Variants in ARFGEF3 observed in about 807,000 individuals in gnomAD.
ARFGEF3 encodes the protein brefeldin A-inhibited guanine nucleotide-exchange protein 3.
In ARFGEF3, 96 loss-of-function variants were observed where a neutral mutation model predicts 221.7. The observed-to-expected ratio is 0.43, with a 90% CI of 0.37 to 0.51. The LOEUF is 0.51. Ranked by LOEUF, ARFGEF3 falls within the 20% of genes least tolerant of loss-of-function variation. ARFGEF3 has a pLI of 0.00. For synonymous variants in ARFGEF3, 1,145 were observed against 1,126.8 expected, an observed-to-expected ratio of 1.02 and a Z score of -0.32; for missense variants, 2,410 against 2,789.9, an observed-to-expected ratio of 0.86 and a Z score of 3.07.
In ARFGEF3 at chr6:138,334,634, C is replaced by T. The variant is rs759078532; in HGVS notation, c.5788C>T (p.Pro1930Ser). 6.2e-7 allele frequency: 1 copy of T among 1,613,558 alleles called. No individual in the cohort carries two copies. Among genetic ancestry groups the T allele is most frequent in the Admixed American group, 1.7e-5 (1 of 60,022 alleles). The change falls in exon 33 of 34, where the codon CCC becomes TCC. Residue 1930 changes from proline to serine, a missense_variant. Pro to Ser is a moderately conservative substitution (Grantham distance 74). This residue lies in a region of ARFGEF3 where 339 missense variants were observed against 334.9 expected (regional missense o/e 1.01). Coordinates refer to ENST00000251691, the MANE Select transcript of ARFGEF3 (RefSeq NM_020340.5). The surrounding 1 kb of genome is among the most constrained non-coding windows in gnomAD (Gnocchi z 5.1). ...CCTGGAGAACTGTATGGAGGAGCCT[C>T]CCATCTTCAAGGGCGACCCGTTCTT... ...LDLENCMEEPPIFKGDPFFIL... is the reference protein window; with the variant it reads ...LDLENCMEEPSIFKGDPFFIL...
At chr6:138,253,164 A>G (rs1778609638) in intron 8 of ARFGEF3, among the ~76,000 whole-genome samples, 1 of 152,240 alleles carries the variant, frequency 6.6e-6, no homozygotes, top group Non-Finnish European at 1.5e-5. Context: ...GCCATAAACT[A>G]TGGACTTTAG....
chr6:138,312,071 G>T (rs1779839949), intron 25 of ARFGEF3, among the ~76,000 whole-genome samples: 1 of 152,122 alleles, frequency 6.6e-6, no homozygotes, highest in Non-Finnish European at 1.5e-5. Flanking sequence ...CAGGAGAATT[G>T]CTTCAACCCA....
intron 10 of ARFGEF3, among the ~76,000 whole-genome samples, chr6:138,256,005 T>G (rs1438497154): frequency 6.6e-6 from 1 of 152,180 alleles, no homozygotes; most frequent in Non-Finnish European, 1.5e-5. Flanking sequence ...ATCGAGCTAG[T>G]GCTTGTTAAG....
At chr6:138,232,131 G>C (rs1482284720) in intron 5 of ARFGEF3, among the ~76,000 whole-genome samples, 1 of 152,218 alleles carries the variant, frequency 6.6e-6, no homozygotes, top group Non-Finnish European at 1.5e-5. Context: ...CAGGGTAGCA[G>C]ATATGTTGAG....
intron 5 of ARFGEF3, among the ~76,000 whole-genome samples, chr6:138,230,686 T>C (rs564481910): frequency 6.6e-6 from 1 of 152,296 alleles, no homozygotes; most frequent in East Asian, 1.9e-4. Flanking sequence ...AAAATTATTT[T>C]TGAGCGTGTA....
intron 7 of ARFGEF3, among the ~76,000 whole-genome samples, chr6:138,243,242 A>G (rs1237281192): frequency 6.6e-6 from 1 of 152,176 alleles, no homozygotes; most frequent in Non-Finnish European, 1.5e-5. Context: ...TTAACGCTTC[A>G]CATACCTCTC....
Position 138,294,073 on chromosome 6 carries a change from C to T in ARFGEF3, c.3449C>T (p.Ser1150Phe), listed in dbSNP as rs1023865522. 5 of 1,613,806 alleles carry T rather than the reference C, an allele frequency of 3.1e-6. No homozygotes were observed. Among genetic ancestry groups the T allele is most frequent in the Non-Finnish European group, 3.4e-6 (4 of 1,179,830 alleles). The change falls in exon 20 of 34, where the codon TCT becomes TTT. Residue 1150 changes from serine to phenylalanine, a missense_variant. By Grantham distance (155) the Ser-to-Phe change is radical. Coordinates refer to ENST00000251691, the MANE Select transcript of ARFGEF3 (RefSeq NM_020340.5). Reference sequence around the variant, plus strand: ...TACCAGCTGAAGAAAGCATCGCAGTCTCAGCTTTTCCATTCTGTTACAGAT... The same window carrying T: ...TACCAGCTGAAGAAAGCATCGCAGTTTCAGCTTTTCCATTCTGTTACAGAT... ...FLYQLKKASQ[S>F]QLFHSVTDTV...
chr6:138,308,380 C>T (rs1245896893), intron 23 of ARFGEF3, among the ~76,000 whole-genome samples: 1 of 152,186 alleles, frequency 6.6e-6, no homozygotes. Flanking sequence ...TAAAGAAACT[C>T]ATATATGCCA....
rs755946453 is a variant in ARFGEF3 at position 138,334,848 on chromosome 6, G to A, written c.6002G>A (p.Arg2001Gln). 55 of 1,595,962 alleles carry A rather than the reference G, an allele frequency of 3.4e-5. No individual in the cohort carries two copies. Among genetic ancestry groups the A allele is most frequent in the African/African-American group, 4.0e-5 (3 of 74,466 alleles). Residue 2001 changes from arginine (R) to glutamine (Q), a missense_variant, in exon 33 of 34, where the codon CGG becomes CAG. Physicochemically the swap from Arg to Gln is conservative, Grantham distance 43 (BLOSUM62 1). This residue lies in a region of ARFGEF3 where 339 missense variants were observed against 334.9 expected (regional missense o/e 1.01). Transcript: ENST00000251691. The surrounding 1 kb of genome is among the most constrained non-coding windows in gnomAD (Gnocchi z 5.1). ...AAAGTGGAGAAGAAGGATCCCAGCC[G>A]GAAGAAGGAGTGGTGGGAGAATGCG... ...SPKVEKKDPS[R>Q]KKEWWENAGN... is the part of the protein sequence containing the mutation.
intron 7 of ARFGEF3, among the ~76,000 whole-genome samples, chr6:138,243,503 AG>A (rs1399345743): frequency 4.6e-5 from 7 of 152,224 alleles, no homozygotes; most frequent in African/African-American, 1.7e-4. Flanking sequence ...CCACAGGAAA[AG>A]AAAAAATATA....
At chr6:138,298,820 C>T (rs559661843) in intron 22 of ARFGEF3, 35 bp downstream of exon 22, 13 of 1,558,820 alleles carry the variant, frequency 8.3e-6, no homozygotes, top group African/African-American at 1.3e-5. Context: ...TCATAGCTGG[C>T]TCTTACTGAG....
At chr6:138,224,265 G>A (rs747925459) in intron 4 of ARFGEF3, among the ~76,000 whole-genome samples, 4 of 152,204 alleles carry the variant, frequency 2.6e-5, no homozygotes, top group Non-Finnish European at 5.9e-5. Flanking sequence ...TATCAGAAAT[G>A]TCTCATGGGA....
At chr6:138,289,654 G>T (rs951195602) in intron 17 of ARFGEF3, among the ~76,000 whole-genome samples, 164 bp from the exon 18 acceptor site, 1 of 152,230 alleles carries the variant, frequency 6.6e-6, no homozygotes, top group African/African-American at 2.4e-5. Flanking sequence ...CCTGCTGGCT[G>T]GGTGGTTTGC....
In ARFGEF3 at chr6:138,339,486, T is replaced by C. The variant is rs1011611803; in HGVS notation, c.*3000T>C. 2 of 152,248 alleles carry C rather than the reference T, an allele frequency of 1.3e-5. No individual in the cohort carries two copies. The highest frequency in any genetic ancestry group is 4.8e-5 in the African/African-American group (2 of 41,470). 9.4% of individuals were successfully genotyped at this position (152,248 alleles called of 1,614,324 possible). ...TACAGACCTAAGCAGAATGAGAGTT[T>C]ATACATTGTTTTTAGTTGCCTGTAT... is the stretch of plus-strand genomic sequence containing the variant. On this transcript the variant is annotated 3_prime_UTR_variant, in exon 34 of 34. Transcript: ENST00000251691.
chr6:138,238,717 CT>C, intron 6 of ARFGEF3, 86 bp downstream of exon 6: 1 of 1,334,076 alleles, frequency 7.5e-7, no homozygotes, highest in African/African-American at 1.4e-5. Context: ...CCAGGGCTGC[CT>C]GCCTCCTGAA....
At chr6:138,327,271 G>C (rs1041239957) in intron 31 of ARFGEF3, among the ~76,000 whole-genome samples, 2 of 151,942 alleles carry the variant, frequency 1.3e-5, no homozygotes, top group Non-Finnish European at 2.9e-5. Context: ...ACTTGAAAAA[G>C]AAAGGAAAAA....
chr6:138,202,162 A>G (rs1159200940), intron 2 of ARFGEF3, among the ~76,000 whole-genome samples: 1 of 152,226 alleles, frequency 6.6e-6, no homozygotes, highest in Admixed American at 6.5e-5. Flanking sequence ...GTGCCTGTGC[A>G]TAAAAAATAA....
In ARFGEF3 at chr6:138,278,422, C is replaced by T. The variant is rs760649962; in HGVS notation, c.2129-29C>T. ...CCTTGCCAAGCACACTGTTCACACC[C>T]CCAAAAGTCCCTTCATTGTCTCCCT... On this transcript the variant is annotated intron_variant, in intron 12 of 33. Transcript: ENST00000251691. 5.6e-6 allele frequency: 9 copies of T among 1,609,184 alleles called. No homozygotes were observed. The South Asian group carries it at 7.7e-5, about 14-fold the overall frequency.
chr6:138,301,407 C>A (rs1408830928), intron 22 of ARFGEF3, among the ~76,000 whole-genome samples: 1 of 152,180 alleles, frequency 6.6e-6, no homozygotes, highest in African/African-American at 2.4e-5. Flanking sequence ...GTTTGACCAG[C>A]GTGAGGCTGA....
Sources: allele counts gnomAD v4.1 joint callset (sites outside exome capture counted in the v4.1 genomes callset), GRCh38; gene constraint gnomAD v4.1.1; regional missense constraint gnomAD v4.1.1; non-coding constraint Gnocchi (gnomAD v3.1); transcripts MANE v1.5; gene names NCBI Gene and HGNC (gene_info 2026-07-23, HGNC 2026-07-21).